Variants in MAP4K4 observed in about 807,000 individuals in gnomAD.
The protein encoded by MAP4K4 is mitogen-activated protein kinase kinase kinase kinase 4, also known as HPK/GCK-like kinase HGK.
MAP4K4 carries 38 observed loss-of-function variants against 189.6 expected under a neutral mutation model. The observed-to-expected ratio is 0.20, with a 90% CI of 0.15 to 0.26. MAP4K4 has a LOEUF of 0.26. MAP4K4 is among the 10% of genes least tolerant of loss of function. The pLI, the probability that MAP4K4 is intolerant of heterozygous loss-of-function variation, is 1.00. For missense variants in MAP4K4, 1,054 were observed against 1,726.9 expected, an observed-to-expected ratio of 0.61 and a Z score of 6.91; for synonymous variants, 610 against 624.3, an observed-to-expected ratio of 0.98 and a Z score of 0.34.
At chr2:101,749,822 C>G (rs867867055) in intron 2 of MAP4K4, among the ~76,000 whole-genome samples, 1 of 134,200 alleles carries the variant, frequency 7.5e-6, no homozygotes, top group Admixed American at 7.3e-5. Context: ...AAGAAAAAAA[C>G]AAACAACCCC....
intron 26 of MAP4K4, among the ~76,000 whole-genome samples, chr2:101,874,975 A>G (rs2098159229): frequency 6.6e-6 from 1 of 152,240 alleles, no homozygotes; most frequent in Non-Finnish European, 1.5e-5. Flanking sequence ...AGAAACACAC[A>G]TAATAGGATT....
chr2:101,874,068 A>G lies in MAP4K4; in HGVS notation c.3071-14A>G, dbSNP rs1483397374. ...GTGTGTACAGAAAATAATTTCAAAT[A>G]TATTGTGTTTCAGTGGGATTTTCCT... On this transcript the variant is annotated splice_polypyrimidine_tract_variant and intron_variant, in intron 25 of 32. Coordinates refer to ENST00000324219, the Ensembl canonical transcript of MAP4K4. 1 of 1,609,872 alleles carries G rather than the reference A, an allele frequency of 6.2e-7. No homozygotes were observed. Among genetic ancestry groups the G allele is most frequent in the African/African-American group, 1.3e-5 (1 of 74,796 alleles).
chr2:101,888,207 G>A (rs755044955), intron 31 of MAP4K4, among the ~76,000 whole-genome samples: 2 of 152,180 alleles, frequency 1.3e-5, no homozygotes, highest in South Asian at 2.1e-4. Context: ...GAGGAATATC[G>A]GACATGTTTT....
rs147600239 is a variant in MAP4K4 at position 101,770,081 on chromosome 2, A to G, written c.124-20639A>G. ...CTAGGAGGATGAGCTCACTTCATTC[A>G]TATCTCTTCAGTTACTCTGAGTTTA... is the stretch of plus-strand genomic sequence containing the variant. On this transcript the variant is annotated intron_variant, in intron 2 of 32. Coordinates refer to ENST00000324219, the Ensembl canonical transcript of MAP4K4. 1.2e-3 allele frequency among the ~76,000 whole-genome samples: 180 copies of G among 152,266 alleles called. 2 individuals are homozygous for G. The East Asian group carries it at 0.028, about 24-fold the overall frequency.
At chr2:101,819,456 C>T (rs1284117740) in intron 3 of MAP4K4, among the ~76,000 whole-genome samples, 1 of 152,168 alleles carries the variant, frequency 6.6e-6, no homozygotes, top group Non-Finnish European at 1.5e-5. Flanking sequence ...CATAATTGGA[C>T]AGTAAATGAC....
chr2:101,871,786 C>A lies in MAP4K4; in HGVS notation c.2952+101C>A. On this transcript the variant is annotated intron_variant, in intron 24 of 32. Coordinates refer to ENST00000324219, the Ensembl canonical transcript of MAP4K4. ...CCTTTCCAACACCCTCACCCCTTCC[C>A]TTCCCACCCTGCTTTCTCTGTCACC... 2.8e-6 allele frequency: 3 copies of A among 1,063,116 alleles called. No homozygotes were observed. In the South Asian group the frequency reaches 4.9e-5, roughly 17 times the overall value. 65.9% of individuals were successfully genotyped at this position (1,063,116 alleles called of 1,614,324 possible). A position where few individuals can be genotyped will look rare whatever the true frequency, so the allele number is the denominator to read the frequency against.
At position 101,867,954 on chromosome 2, in the gene MAP4K4, C is replaced by G. The variant is rs571329083; in HGVS notation, c.2455-75C>G. ...TACTTCTCCCTCTCCCCTTCTTTCTCCCGCGCTTCCTTGTACTGTGCATTC... is the reference window on the plus strand; with the variant it reads ...TACTTCTCCCTCTCCCCTTCTTTCTGCCGCGCTTCCTTGTACTGTGCATTC... On this transcript the variant is annotated intron_variant, in intron 20 of 32. Transcript: ENST00000324219. 5.5e-6 allele frequency: 8 copies of G among 1,467,824 alleles called. No individual in the cohort carries two copies. The East Asian group carries it at 1.6e-4, about 29-fold the overall frequency. 90.9% of individuals were successfully genotyped at this position (1,467,824 alleles called of 1,614,324 possible). A position where few individuals can be genotyped will look rare whatever the true frequency, so the allele number is the denominator to read the frequency against.
intron 3 of MAP4K4, among the ~76,000 whole-genome samples, chr2:101,820,871 A>ATG (rs1181979926): frequency 3.3e-5 from 5 of 152,122 alleles, no homozygotes; most frequent in Non-Finnish European, 7.4e-5. Flanking sequence ...GTGCATGTTG[A>ATG]TGTGTGTGTG....
chr2:101,779,081 C>CA (rs2085877201), intron 2 of MAP4K4, among the ~76,000 whole-genome samples: 1 of 152,020 alleles, frequency 6.6e-6, no homozygotes, highest in Admixed American at 6.6e-5. Flanking sequence ...TTCTGTGTGC[C>CA]AGGCACAATA....
intron 3 of MAP4K4, among the ~76,000 whole-genome samples, chr2:101,822,253 A>T (rs2096107836): frequency 6.6e-6 from 1 of 152,232 alleles, no homozygotes; most frequent in Non-Finnish European, 1.5e-5. Context: ...GCTGTGCGGC[A>T]GGTTAGTTTA....
chr2:101,797,200 G>GGAGA, intron 3 of MAP4K4: 1 of 1,277,602 alleles, frequency 7.8e-7, no homozygotes, highest in African/African-American at 1.5e-5. Flanking sequence ...AGGAAGGGAA[G>GGAGA]GAGAGATCTC....
intron 2 of MAP4K4, among the ~76,000 whole-genome samples, chr2:101,776,391 C>T (rs987282189): frequency 2.6e-5 from 4 of 152,054 alleles, no homozygotes; most frequent in African/African-American, 9.7e-5. Flanking sequence ...CTGGAGAGCT[C>T]CTGCTGGTCT....
At chr2:101,707,505 G>C (rs991322934) in intron 2 of MAP4K4, among the ~76,000 whole-genome samples, 6 of 151,618 alleles carry the variant, frequency 4.0e-5, no homozygotes, top group Non-Finnish European at 5.9e-5. Flanking sequence ...CACTGCCCCT[G>C]GTCTGCCTGT....
intron 2 of MAP4K4, among the ~76,000 whole-genome samples, chr2:101,782,213 G>C (rs2087980434): frequency 6.6e-6 from 1 of 152,210 alleles, no homozygotes; most frequent in Admixed American, 6.5e-5. Context: ...TGCTAACGCA[G>C]CTATGCAAAA....
chr2:101,845,687 T>C (rs2097084973), intron 12 of MAP4K4, among the ~76,000 whole-genome samples: 1 of 152,212 alleles, frequency 6.6e-6, no homozygotes, highest in African/African-American at 2.4e-5. Flanking sequence ...GTATATGCAG[T>C]TCATCATTGA....
chr2:101,719,569 G>A (rs1187813454), intron 2 of MAP4K4, among the ~76,000 whole-genome samples: 1 of 152,150 alleles, frequency 6.6e-6, no homozygotes, highest in Non-Finnish European at 1.5e-5. Flanking sequence ...GTGGGCAGGT[G>A]TAAGTACAAT....
intron 32 of MAP4K4, among the ~76,000 whole-genome samples, 173 bp downstream of exon 32, chr2:101,889,108 C>T (rs989162356): frequency 6.6e-6 from 1 of 152,020 alleles, no homozygotes; most frequent in Non-Finnish European, 1.5e-5. Context: ...TTGCTTTTTG[C>T]TATGAGGGGA....
chr2:101,755,268 G>A (rs1267158066), intron 2 of MAP4K4, among the ~76,000 whole-genome samples: 1 of 150,628 alleles, frequency 6.6e-6, no homozygotes, highest in African/African-American at 2.4e-5. Context: ...GTTTTCTTGT[G>A]GACTTCCTAG....
chr2:101,719,633 T>C (rs1358857747), intron 2 of MAP4K4, among the ~76,000 whole-genome samples: 2 of 152,214 alleles, frequency 1.3e-5, no homozygotes. Context: ...CTTGATTATG[T>C]GGTCTCTCTT....
Sources: gnomAD v4.1 joint callset for allele counts (sites outside exome capture counted in the v4.1 genomes callset) on GRCh38, gnomAD v4.1.1 for gene constraint, MANE v1.5 for transcripts, NCBI Gene and HGNC (gene_info 2026-07-23, HGNC 2026-07-21) for gene names.